FMN1: variants seen among roughly 807,000 people sequenced by gnomAD.
FMN1 encodes the protein formin-1.
A neutral mutation model predicts 132.4 loss-of-function variants in FMN1; 110 were observed. That is an observed-to-expected ratio of 0.83 (90% CI 0.71 to 0.97). FMN1 has a LOEUF of 0.97. FMN1 is among the 50% of genes least tolerant of loss of function. The pLI is 0.00. For synonymous variants in FMN1, 722 were observed against 651.7 expected (o/e 1.11, Z -1.64); for missense variants, 1,792 against 1,705.3 (o/e 1.05, Z -0.90).
chr15:32,945,671 T>C (rs1387567358), intron 9 of FMN1, among the ~76,000 whole-genome samples: 1 of 152,176 alleles, frequency 6.6e-6, no homozygotes, highest in African/African-American at 2.4e-5. Context: ...ATGATAATCA[T>C]TGCATTCAAG....
chr15:32,850,939 G>A (rs1398877322), intron 17 of FMN1, among the ~76,000 whole-genome samples: 1 of 152,030 alleles, frequency 6.6e-6, no homozygotes, highest in East Asian at 1.9e-4. Flanking sequence ...GGTGCCTGTA[G>A]TCCCAGCTAC....
intron 17 of FMN1, among the ~76,000 whole-genome samples, chr15:32,848,477 A>G (rs981566274): frequency 6.6e-6 from 1 of 152,222 alleles, no homozygotes; most frequent in African/African-American, 2.4e-5. Flanking sequence ...GAAGGCAGCC[A>G]TAGGAAACAA....
At chr15:33,072,142 G>A (rs1595406471) in intron 5 of FMN1, among the ~76,000 whole-genome samples, 2 of 152,086 alleles carry the variant, frequency 1.3e-5, no homozygotes, top group African/African-American at 4.8e-5. Flanking sequence ...GTAACTTGGG[G>A]AAAAATCTAC....
intron 6 of FMN1, chr15:33,063,136 C>T (rs61999984): frequency 0.13 from 19,679 of 152,272 alleles, 1,509 homozygotes; most frequent in Middle Eastern, 0.21. Context: ...GGATCTTCTA[C>T]GTGCTTCTCC....
rs1222534149 is a variant in FMN1 at position 33,088,806 on chromosome 15, T to A, written c.2036A>T (p.Asp679Val). Reference sequence around the variant, plus strand: ...ACCAAGATTTCTACTTACATGGAGATCCAAGTACAATTCGCTCCTGTTTGA... The same window carrying A: ...ACCAAGATTTCTACTTACATGGAGAACCAAGTACAATTCGCTCCTGTTTGA... ...EKSNRSELYL[D>V]LHPDHSLTEQ... is the part of the protein sequence containing the mutation. Residue 679 changes from aspartate (D) to valine (V), a missense_variant, in exon 5 of 21, where the codon GAT becomes GTT. Physicochemically the swap from Asp to Val is radical, Grantham distance 152. Transcript: ENST00000616417. 1.3e-6 allele frequency: 2 copies of A among 1,535,342 alleles called. No individual in the cohort carries two copies. Among genetic ancestry groups the A allele is most frequent in the African/African-American group, 1.4e-5 (1 of 73,122 alleles).
At chr15:32,999,680 G>C (rs1361160848) in intron 7 of FMN1, among the ~76,000 whole-genome samples, 1 of 152,146 alleles carries the variant, frequency 6.6e-6, no homozygotes, top group Non-Finnish European at 1.5e-5. Flanking sequence ...TTCCCGTAAA[G>C]GAAATGTCAC....
chr15:33,010,625 A>G (rs1228827987), intron 6 of FMN1, among the ~76,000 whole-genome samples: 1 of 152,186 alleles, frequency 6.6e-6, no homozygotes, highest in East Asian at 1.9e-4. Flanking sequence ...ATCTACATAG[A>G]TTATAAAGAG....
rs754377740 is a variant in FMN1, at chr15:33,067,550, GCTT to G, written c.2044-2479_2044-2477del. 1.7e-5 allele frequency: 27 copies of G among 1,613,804 alleles called. No homozygotes were observed. The highest frequency in any genetic ancestry group is 5.3e-5 in the African/African-American group (4 of 74,894). ...CTCTTGAGCAAGGAGAGATGTCCCT[GCTT>G]CTTTTCTCTGACTTCCCTCTGATTC... is the stretch of plus-strand genomic sequence containing the variant. On this transcript the variant is annotated intron_variant, in intron 5 of 20. Transcript: ENST00000616417.
At chr15:32,966,700 C>A (rs1344594279) in intron 8 of FMN1, among the ~76,000 whole-genome samples, 1 of 152,182 alleles carries the variant, frequency 6.6e-6, no homozygotes, top group Non-Finnish European at 1.5e-5. Context: ...ACACATAATG[C>A]TGAAAATTCA....
chr15:32,785,551 G>T (rs2140915356), intron 19 of FMN1, among the ~76,000 whole-genome samples: 1 of 152,102 alleles, frequency 6.6e-6, no homozygotes, highest in African/African-American at 2.4e-5. Context: ...TGATATGTTA[G>T]AAATTCTCCT....
chr15:33,036,807 T>C (rs2036213260), intron 6 of FMN1, among the ~76,000 whole-genome samples: 1 of 152,232 alleles, frequency 6.6e-6, no homozygotes, highest in Non-Finnish European at 1.5e-5. Context: ...TTGCTTGTAT[T>C]ATCATCAACG....
In FMN1 at chr15:33,012,809, G is replaced by GT. The variant is rs1406950157; in HGVS notation, c.2162-4735dup. 7 of 667,810 alleles carry GT rather than the reference G, an allele frequency of 1.0e-5. No homozygotes were observed. The African/African-American group carries it at 1.2e-4, about 12-fold the overall frequency. The allele number at this position is 667,810 out of a possible 1,614,324, so 41.4% of individuals were successfully genotyped here. On this transcript the variant is annotated intron_variant, in intron 6 of 20. Transcript: ENST00000616417. ...GGTCATGGTGGCTTTAGTGGCAGCT[G>GT]TGGTGGTGGAGGATATGGTAGCAGT...
intron 2 of FMN1, among the ~76,000 whole-genome samples, chr15:33,180,630 C>G (rs1307147119): frequency 1.3e-5 from 2 of 152,190 alleles, no homozygotes; most frequent in Non-Finnish European, 2.9e-5. Context: ...CCTGCGTATG[C>G]TCATCTACTT....
chr15:32,990,961 C>A (rs529211953), intron 7 of FMN1, among the ~76,000 whole-genome samples: 88 of 152,188 alleles, frequency 5.8e-4, no homozygotes, highest in African/African-American at 2.0e-3. Context: ...ATGACACGTA[C>A]GGATTATGGG....
At chr15:32,837,762 C>A (rs1435064816) in intron 17 of FMN1, among the ~76,000 whole-genome samples, 1 of 152,056 alleles carries the variant, frequency 6.6e-6, no homozygotes, top group Non-Finnish European at 1.5e-5. Context: ...TTCTTTTTTT[C>A]CTCAGAGTCT....
intron 17 of FMN1, among the ~76,000 whole-genome samples, chr15:32,813,552 G>T (rs187825945): frequency 6.6e-6 from 1 of 152,136 alleles, no homozygotes; most frequent in East Asian, 1.9e-4. Context: ...TCTTCTTAAA[G>T]GCAATCATTT....
chr15:32,814,892 G>C (rs1018196371), intron 17 of FMN1, among the ~76,000 whole-genome samples: 8 of 152,132 alleles, frequency 5.3e-5, no homozygotes, highest in Non-Finnish European at 8.8e-5. Context: ...TGAATTTGTA[G>C]CAGGTTCATG....
At chr15:33,069,072 TCTC>T (rs2037881024) in intron 5 of FMN1, among the ~76,000 whole-genome samples, 1 of 152,158 alleles carries the variant, frequency 6.6e-6, no homozygotes, top group Admixed American at 6.5e-5. Flanking sequence ...GGATCCACGT[TCTC>T]CTAAAGGGCA....
At chr15:32,822,430 C>T (rs567777334) in intron 17 of FMN1, among the ~76,000 whole-genome samples, 5 of 152,152 alleles carry the variant, frequency 3.3e-5, no homozygotes, top group Admixed American at 2.6e-4. Flanking sequence ...ATTTACTTTT[C>T]TCATTTACTT....
Sources: gnomAD v4.1 joint callset for allele counts (sites outside exome capture counted in the v4.1 genomes callset) on GRCh38, gnomAD v4.1.1 for gene constraint, MANE v1.5 for transcripts, NCBI Gene and HGNC (gene_info 2026-07-23, HGNC 2026-07-21) for gene names.